The following ZNF440 variants were observed in gnomAD, a reference collection of about 807,000 sequenced individuals.
ZNF440 encodes the protein zinc finger protein 440.
Under a neutral mutation model 49.7 loss-of-function variants are expected in ZNF440, and 47 were observed. That is an observed-to-expected ratio of 0.95 (90% CI 0.75 to 1.21). The LOEUF is 1.21. Ranked by LOEUF, ZNF440 falls within the 50% of genes most tolerant of loss-of-function variation. The probability of loss-of-function intolerance (pLI) is 0.00; values close to 1 mark genes in which losing one functional copy is unlikely to be tolerated. For missense variants in ZNF440, 703 were observed against 715.0 expected (o/e 0.98, Z 0.19); for synonymous variants, 255 against 237.7 (o/e 1.07, Z -0.67).
Position 11,831,992 on chromosome 19 carries a change from T to A in ZNF440, c.816T>A (p.Arg272=). The A allele has an allele frequency of 6.2e-7, 1 of 1,613,688 alleles. No individual in the cohort carries two copies. Among genetic ancestry groups the A allele is most frequent in the Non-Finnish European group, 8.5e-7 (1 of 1,179,834 alleles). The part of the protein sequence containing the change: ...GKAFHSPRSY[R]RHERIHMGEK... ...CATTTCATAGTCCCAGATCCTATCG[T>A]AGACATGAAAGGATTCACATGGGAG... Residue 272 remains arginine, a synonymous_variant, in exon 4 of 4, where the codon CGT becomes CGA. Transcript: ENST00000304060.
intron 1 of ZNF440, chr19:11,816,663 T>C (rs1975736083): frequency 6.6e-6 from 1 of 152,192 alleles, no homozygotes. Context: ...AGACAGAGTC[T>C]CCTGTAGCCC....
rs189657438 is a variant in ZNF440 at position 11,825,363 on chromosome 19, C to A, written c.4-4920C>A. ...ACTCTTTGTGTTCTGTGGTTTAAGA[C>A]AACTATGTGTCATGTATCCACCATC... On this transcript the variant is annotated intron_variant, in intron 1 of 3. Transcript: ENST00000304060. 1.3e-3 allele frequency among the ~76,000 whole-genome samples: 191 copies of A among 152,242 alleles called. 1 individual carries two copies. Among genetic ancestry groups the A allele is most frequent in the African/African-American group, 4.4e-3 (184 of 41,546 alleles).
chr19:11,828,778 A>G (rs1226269957), intron 1 of ZNF440, among the ~76,000 whole-genome samples: 1 of 150,052 alleles, frequency 6.7e-6, no homozygotes, highest in African/African-American at 2.5e-5. Flanking sequence ...TCCACCTCCC[A>G]GCTTCAAGCA....
intron 1 of ZNF440, among the ~76,000 whole-genome samples, chr19:11,815,198 A>T (rs2145112006): frequency 6.7e-6 from 1 of 150,068 alleles, no homozygotes; most frequent in African/African-American, 2.4e-5. Context: ...AATGGCGTGA[A>T]CCCGGGAGGT....
chr19:11,814,282 C>G lies in ZNF440; in HGVS notation c.-166C>G. 1 of 634,190 alleles carries G rather than the reference C, an allele frequency of 1.6e-6. No individual in the cohort carries two copies. The highest frequency in any genetic ancestry group is 1.9e-5 in the African/African-American group (1 of 52,214). The allele number at this position is 634,190 out of a possible 1,614,324, so 39.3% of individuals were successfully genotyped here. On this transcript the variant is annotated 5_prime_UTR_variant, in exon 1 of 4. Transcript: ENST00000304060. ...GGGGGAAGGGACAGTCGCCCTCCGT[C>G]CATTCCTTTAGTGCTGCGCCGACAG... is the stretch of plus-strand genomic sequence containing the variant.
chr19:11,814,866 G>A (rs964944392), intron 1 of ZNF440, among the ~76,000 whole-genome samples: 1 of 152,240 alleles, frequency 6.6e-6, no homozygotes, highest in South Asian at 2.1e-4. Context: ...ACAGCGAGCG[G>A]GGTAGGGCAG....
At position 11,833,089 on chromosome 19, in the gene ZNF440, G is replaced by A; in HGVS notation, c.*125G>A. The A allele has an allele frequency of 6.6e-7, 1 of 1,504,042 alleles. No homozygotes were observed. Among genetic ancestry groups the A allele is most frequent in the Non-Finnish European group, 9.2e-7 (1 of 1,090,328 alleles). 93.2% of individuals were successfully genotyped at this position (1,504,042 alleles called of 1,614,324 possible). On this transcript the variant is annotated 3_prime_UTR_variant, in exon 4 of 4. Coordinates refer to ENST00000304060, the MANE Select transcript of ZNF440 (RefSeq NM_152357.3). ...AACCCTATGAGTGTAAGCAATGTGG[G>A]AAAGCCTTTGTTTCCTTCACTTCCT... is the stretch of plus-strand genomic sequence containing the variant.
At position 11,831,928 on chromosome 19, in the gene ZNF440, C is replaced by T; in HGVS notation, c.752C>T (p.Thr251Ile). The change falls in exon 4 of 4, where the codon ACT becomes ATT. Residue 251 changes from threonine (T) to isoleucine (I), a missense_variant. Physicochemically the swap from Thr to Ile is moderately conservative, Grantham distance 89. Transcript: ENST00000304060. ...CATCGAATACATAAAAGAACTCACA[C>T]TGGAGAAAAGCCTTATGAATATCAG... Reference protein sequence around the residue: ...ATHRIHKRTHTGEKPYEYQEC... With the variant: ...ATHRIHKRTHIGEKPYEYQEC... The T allele has an allele frequency of 1.9e-6, 3 of 1,613,950 alleles. No individual in the cohort carries two copies. The highest frequency in any genetic ancestry group is 2.2e-5 in the East Asian group (1 of 44,852).
chr19:11,833,906 T>G lies in ZNF440; in HGVS notation c.*942T>G. ...TAATGAATGTAAACAATTAACTGTT[T>G]ATAATAACTGTATACTAACAAATGA... On this transcript the variant is annotated 3_prime_UTR_variant, in exon 4 of 4. Coordinates refer to ENST00000304060, the MANE Select transcript of ZNF440 (RefSeq NM_152357.3). The G allele has an allele frequency of 2.9e-6, 1 of 347,094 alleles. No homozygotes were observed. The highest frequency in any genetic ancestry group is 5.4e-6 in the Non-Finnish European group (1 of 184,492). The allele number at this position is 347,094 out of a possible 1,614,324, so 21.5% of individuals were successfully genotyped here.
chr19:11,834,649 T>C lies in ZNF440; in HGVS notation c.*1685T>C, dbSNP rs1167102377. 1 of 152,218 alleles carries C rather than the reference T, an allele frequency of 6.6e-6. No individual in the cohort carries two copies. The highest frequency in any genetic ancestry group is 2.4e-5 in the African/African-American group (1 of 41,462). The allele number at this position is 152,218 out of a possible 1,614,324, so 9.4% of individuals were successfully genotyped here. On this transcript the variant is annotated 3_prime_UTR_variant, in exon 4 of 4. Transcript: ENST00000304060. ...TTTTGGTCATGTTTATGATTTGAAA[T>C]ACGTTTTCCTCTATCACATTTAAAA...
In ZNF440 at chr19:11,833,818, A is replaced by C; in HGVS notation, c.*854A>C. Reference sequence around the variant, plus strand: ...CATGGAAGGACTCACACTGGAGAAAAACCCTATGAATGTAAGCAGTATGGG... The same window carrying C: ...CATGGAAGGACTCACACTGGAGAAACACCCTATGAATGTAAGCAGTATGGG... On this transcript the variant is annotated 3_prime_UTR_variant, in exon 4 of 4. Coordinates refer to ENST00000304060, the MANE Select transcript of ZNF440 (RefSeq NM_152357.3). 3 of 765,564 alleles carry C rather than the reference A, an allele frequency of 3.9e-6. No homozygotes were observed. Among genetic ancestry groups the C allele is most frequent in the Non-Finnish European group, 5.8e-6 (3 of 515,900 alleles). 47.4% of individuals were successfully genotyped at this position (765,564 alleles called of 1,614,324 possible).
rs1976004365 is a variant in ZNF440 at position 11,835,195 on chromosome 19, C to G, written c.*2231C>G. On this transcript the variant is annotated 3_prime_UTR_variant, in exon 4 of 4. Coordinates refer to ENST00000304060, the MANE Select transcript of ZNF440 (RefSeq NM_152357.3). ...CCTGGCCAACACAGTGAAACCCAGTCTCTACTAAAAAATACAAAAAATTAG... is the reference window on the plus strand; with the variant it reads ...CCTGGCCAACACAGTGAAACCCAGTGTCTACTAAAAAATACAAAAAATTAG... 6.6e-6 allele frequency: 1 copy of G among 152,046 alleles called. No homozygotes were observed. The highest frequency in any genetic ancestry group is 1.5e-5 in the Non-Finnish European group (1 of 68,076). 9.4% of individuals were successfully genotyped at this position (152,046 alleles called of 1,614,324 possible). A position where few individuals can be genotyped will look rare whatever the true frequency, so the allele number is the denominator to read the frequency against.
intron 1 of ZNF440, among the ~76,000 whole-genome samples, chr19:11,821,948 G>A (rs902254438): frequency 6.6e-6 from 1 of 152,226 alleles, no homozygotes; most frequent in African/African-American, 2.4e-5. Context: ...ACAGAGTGGG[G>A]GGAACATCCA....
At chr19:11,816,686 AG>A (rs1975736327) in intron 1 of ZNF440, 1 of 152,258 alleles carries the variant, frequency 6.6e-6, no homozygotes, top group African/African-American at 2.4e-5. Flanking sequence ...GGTGGTGTGC[AG>A]TGGCTCTATC....
chr19:11,829,600 T>G (rs1975908231), intron 1 of ZNF440, among the ~76,000 whole-genome samples: 1 of 152,148 alleles, frequency 6.6e-6, no homozygotes, highest in Non-Finnish European at 1.5e-5. Flanking sequence ...AACCCGCTTT[T>G]CTCCCTGGGT....
At chr19:11,815,541 A>G (rs1975722597) in intron 1 of ZNF440, among the ~76,000 whole-genome samples, 1 of 152,162 alleles carries the variant, frequency 6.6e-6, no homozygotes, top group Admixed American at 6.5e-5. Flanking sequence ...GTGTGGGAGG[A>G]GTAGCGGTCT....
chr19:11,818,298 T>C (rs1975757517), intron 1 of ZNF440, among the ~76,000 whole-genome samples: 1 of 152,144 alleles, frequency 6.6e-6, no homozygotes, highest in African/African-American at 2.4e-5. Flanking sequence ...CATTCTGTTG[T>C]TGTGGGAGTG....
chr19:11,814,398 T>G lies in ZNF440; in HGVS notation c.-50T>G, dbSNP rs772953051. 2 of 1,555,144 alleles carry G rather than the reference T, an allele frequency of 1.3e-6. No homozygotes were observed. Among genetic ancestry groups the G allele is most frequent in the African/African-American group, 2.8e-5 (2 of 70,546 alleles). On this transcript the variant is annotated 5_prime_UTR_variant, in exon 1 of 4. Transcript: ENST00000304060. ...CTGTAACCTGCACTGTGACCTACAC[T>G]AGTCGCGGGAGCCACGCAGAGGACG...
Position 11,833,209 on chromosome 19 carries a change from TA to T in ZNF440, c.*249del. On this transcript the variant is annotated 3_prime_UTR_variant, in exon 4 of 4. Coordinates refer to ENST00000304060, the MANE Select transcript of ZNF440 (RefSeq NM_152357.3). The stretch of plus-strand genomic sequence containing the variant: ...GATCTGTCAAAAATCTTCGATTTCA[TA>T]AAAGGACACACACTGGAGAGAAACC... The T allele has an allele frequency of 1.9e-6, 2 of 1,071,092 alleles. No homozygotes were observed. 66.3% of individuals were successfully genotyped at this position (1,071,092 alleles called of 1,614,324 possible).
Sources: gnomAD v4.1 joint callset for allele counts (sites outside exome capture counted in the v4.1 genomes callset) on GRCh38, gnomAD v4.1.1 for gene constraint, MANE v1.5 for transcripts, NCBI Gene and HGNC (gene_info 2026-07-23, HGNC 2026-07-21) for gene names.